The following NXPE2 variants were observed in gnomAD, a reference collection of about 807,000 sequenced individuals.
NXPE2 encodes NXPE family member 2.
A neutral mutation model predicts 34.4 loss-of-function variants in NXPE2; 34 were observed. The ratio of observed to expected loss-of-function variants is 0.99; its 90% CI spans 0.75 to 1.31. The LOEUF is 1.31. Ranked by LOEUF, NXPE2 falls within the 40% of genes most tolerant of loss-of-function variation. The pLI, the probability that NXPE2 is intolerant of heterozygous loss-of-function variation, is 0.00. For synonymous variants in NXPE2, 235 were observed against 231.3 expected, an observed-to-expected ratio of 1.02 and a Z score of -0.15; for missense variants, 649 against 672.5, an observed-to-expected ratio of 0.97 and a Z score of 0.39.
chr11:114,607,653 C>T, the NXPE2 span, among the ~76,000 whole-genome samples: 1 of 150,058 alleles, frequency 6.7e-6, no homozygotes, highest in African/African-American at 2.5e-5. Context: ...GTTAACCACT[C>T]TTACACAGTG....
At chr11:114,629,515 A>G in the NXPE2 span, among the ~76,000 whole-genome samples, 2 of 150,848 alleles carry the variant, frequency 1.3e-5, no homozygotes, top group African/African-American at 4.9e-5. Flanking sequence ...TTGATGGGAC[A>G]TATCTCAAAA....
chr11:114,596,144 G>GT, the NXPE2 span, among the ~76,000 whole-genome samples: 1 of 152,130 alleles, frequency 6.6e-6, no homozygotes, highest in Non-Finnish European at 1.5e-5. Flanking sequence ...ATTCAAGTGC[G>GT]TATTATCTCA....
the NXPE2 span, among the ~76,000 whole-genome samples, chr11:114,660,205 T>C: frequency 6.6e-6 from 1 of 152,068 alleles, no homozygotes; most frequent in African/African-American, 2.4e-5. Flanking sequence ...CTAAATGGTT[T>C]TATTTGCAAA....
chr11:114,808,250 T>C, the NXPE2 span, among the ~76,000 whole-genome samples: 1 of 152,134 alleles, frequency 6.6e-6, no homozygotes, highest in Non-Finnish European at 1.5e-5. Flanking sequence ...AGGAAAGATC[T>C]AAAATTGACA....
At chr11:114,554,167 A>G in the NXPE2 span, 2 of 985,300 alleles carry the variant, frequency 2.0e-6, no homozygotes, top group Non-Finnish European at 2.4e-6. Context: ...AGAGCCCGCT[A>G]GTTGTCTCTT....
the NXPE2 span, chr11:114,582,379 G>C: frequency 2.5e-6 from 4 of 1,614,110 alleles, no homozygotes; most frequent in African/African-American, 4.0e-5. Flanking sequence ...GGCATGTGTT[G>C]AGGCCTCACA....
chr11:114,786,676 G>C, the NXPE2 span, among the ~76,000 whole-genome samples: 46 of 152,284 alleles, frequency 3.0e-4, no homozygotes, highest in African/African-American at 1.0e-3. Context: ...AGTGGTAGAA[G>C]GGTTCAGAAG....
upstream of NXPE2, among the ~76,000 whole-genome samples, chr11:114,676,860 A>G (rs1035634837): frequency 1.3e-5 from 2 of 152,060 alleles, no homozygotes; most frequent in Non-Finnish European, 2.9e-5. Context: ...AACGTTAAGT[A>G]TGCATCAACA....
At chr11:114,522,427 C>T in the NXPE2 span, 6 of 1,613,924 alleles carry the variant, frequency 3.7e-6, no homozygotes, top group Non-Finnish European at 5.1e-6. Flanking sequence ...TCCATTGAAT[C>T]TGAGTGTGTC....
At chr11:114,671,022 T>C in the NXPE2 span, among the ~76,000 whole-genome samples, 24 of 148,894 alleles carry the variant, frequency 1.6e-4, no homozygotes, top group Non-Finnish European at 3.0e-4. Context: ...AAGGAGAGAT[T>C]GTCAATAAGG....
At chr11:114,557,840 TC>T in the NXPE2 span, among the ~76,000 whole-genome samples, 2 of 151,762 alleles carry the variant, frequency 1.3e-5, no homozygotes, top group Admixed American at 1.3e-4. Context: ...TTTTAAAAAA[TC>T]TTATTTTGCT....
the NXPE2 span, among the ~76,000 whole-genome samples, chr11:114,779,363 G>C: frequency 1.7e-4 from 26 of 152,178 alleles, no homozygotes; most frequent in African/African-American, 6.3e-4. Flanking sequence ...CGGTGTGGGG[G>C]GCTTGAGCCG....
At chr11:114,522,047 G>C in the NXPE2 span, 4 of 1,613,642 alleles carry the variant, frequency 2.5e-6, no homozygotes, top group Admixed American at 6.7e-5. Flanking sequence ...AGTGCCATAT[G>C]CAATGGTCAT....
At chr11:114,564,686 A>G in the NXPE2 span, among the ~76,000 whole-genome samples, 1 of 152,016 alleles carries the variant, frequency 6.6e-6, no homozygotes, top group African/African-American at 2.4e-5. Context: ...CTGAAATCTC[A>G]TTGGTTGGAG....
At chr11:114,594,678 G>A in the NXPE2 span, 4 of 1,598,184 alleles carry the variant, frequency 2.5e-6, no homozygotes, top group Admixed American at 5.1e-5. Context: ...GTGGAGTTCT[G>A]GAAAACTGTA....
At chr11:114,466,460 G>T in the NXPE2 span, among the ~76,000 whole-genome samples, 1 of 152,086 alleles carries the variant, frequency 6.6e-6, no homozygotes, top group Non-Finnish European at 1.5e-5. Flanking sequence ...CCCCTGGTGA[G>T]CAGCACTGGA....
the NXPE2 span, among the ~76,000 whole-genome samples, chr11:114,487,901 T>A: frequency 6.6e-6 from 1 of 152,290 alleles, no homozygotes; most frequent in South Asian, 2.1e-4. Context: ...TTGAATTCAG[T>A]TTGCTAGTAT....
At chr11:114,739,337 TTCCCCC>T in the NXPE2 span, among the ~76,000 whole-genome samples, 23 of 37,460 alleles carry the variant, frequency 6.1e-4, no homozygotes, top group African/African-American at 2.2e-3. Flanking sequence ...CCTTCCTTCC[TTCCCCC>T]CTTCCTCTCT....
At chr11:114,508,038 A>G in the NXPE2 span, among the ~76,000 whole-genome samples, 3 of 152,318 alleles carry the variant, frequency 2.0e-5, no homozygotes, top group East Asian at 5.8e-4. Flanking sequence ...AAAGAACTTC[A>G]GCAAAGTCTC....
Sources: allele counts gnomAD v4.1 joint callset (sites outside exome capture counted in the v4.1 genomes callset), GRCh38; gene constraint gnomAD v4.1.1; transcripts MANE v1.5; gene names NCBI Gene and HGNC (gene_info 2026-07-23, HGNC 2026-07-21).